Variants in RNF213 observed in about 807,000 individuals in gnomAD.
The protein encoded by RNF213 is E3 ubiquitin-protein ligase RNF213.
RNF213 carries 341 observed loss-of-function variants against 514.4 expected under a neutral mutation model. The observed-to-expected ratio is 0.66, with a 90% CI of 0.61 to 0.73. The LOEUF (loss-of-function observed/expected upper bound fraction) is 0.73. RNF213 is among the 30% of genes least tolerant of loss of function. RNF213 has a pLI of 0.00. For synonymous variants in RNF213, 2,655 were observed against 2,658.2 expected, an observed-to-expected ratio of 1.00 and a Z score of 0.04; for missense variants, 5,767 against 6,615.6, an observed-to-expected ratio of 0.87 and a Z score of 4.45.
At chr17:80,270,163 C>A (rs141936458) in intron 2 of RNF213, among the ~76,000 whole-genome samples, 1 of 152,342 alleles carries the variant, frequency 6.6e-6, no homozygotes, top group African/African-American at 2.4e-5. Context: ...GCATGCCTTG[C>A]TACTTTCATG....
At chr17:80,297,109 G>A in intron 10 of RNF213, among the ~76,000 whole-genome samples, 1 of 152,114 alleles carries the variant, frequency 6.6e-6, no homozygotes, top group East Asian at 1.9e-4. Context: ...TCTTTTGACT[G>A]TAGGAGATTC....
At chr17:80,310,692 A>G (rs1297620554) in intron 14 of RNF213, among the ~76,000 whole-genome samples, 15 of 152,068 alleles carry the variant, frequency 9.9e-5, no homozygotes, top group Non-Finnish European at 2.2e-4. Flanking sequence ...AGCTGGGATT[A>G]CAGGCATGTG....
In RNF213 at chr17:80,353,304, A is replaced by G; in HGVS notation, c.10424-208A>G. ...GCCAGCCATGGAAGTGAGCACCTAG[A>G]ACACGCCAGAGCCCAGGCTGGAAGG... On this transcript the variant is annotated intron_variant, in intron 33 of 67. Coordinates refer to ENST00000582970, the MANE Select transcript of RNF213 (RefSeq NM_001256071.3). This position sits in a 1 kb window ranked among gnomAD's most constrained non-coding sequence, Gnocchi z 5.0. The G allele has an allele frequency of 3.9e-6, 3 of 778,122 alleles. No individual in the cohort carries two copies. The South Asian group carries it at 4.9e-5, about 13-fold the overall frequency. 48.2% of individuals were successfully genotyped at this position (778,122 alleles called of 1,614,324 possible). A position where few individuals can be genotyped will look rare whatever the true frequency, so the allele number is the denominator to read the frequency against.
chr17:80,267,568 C>G (rs1254907569), intron 2 of RNF213, among the ~76,000 whole-genome samples: 2 of 152,208 alleles, frequency 1.3e-5, no homozygotes, highest in Non-Finnish European at 1.5e-5. Context: ...TCCCTTAAAC[C>G]ACAGCCGAAT....
rs760169991 is a variant in RNF213, at chr17:80,343,939, G to A, written c.6266G>A (p.Arg2089Gln). 3.1e-5 allele frequency: 50 copies of A among 1,614,008 alleles called. 1 individual carries two copies. The South Asian group carries it at 4.0e-4, about 13-fold the overall frequency. ...GATATAAATGGGAAAATGTGGCTTC[G>A]GAACCCCTGCCATTTGTATATCGTT... The part of the protein sequence containing the change: ...LMDINGKMWL[R>Q]NPCHLYIVEI... Residue 2089 changes from arginine to glutamine, a missense_variant, in exon 28 of 68, where the codon CGG becomes CAG. Physicochemically the swap from Arg to Gln is conservative, Grantham distance 43. Coordinates refer to ENST00000582970, the MANE Select transcript of RNF213 (RefSeq NM_001256071.3). The surrounding 1 kb of genome is among the most constrained non-coding windows in gnomAD (Gnocchi z 4.3).
At chr17:80,362,943 A>T (rs2079109446) in intron 39 of RNF213, among the ~76,000 whole-genome samples, 159 bp from the exon 40 acceptor site, 1 of 152,212 alleles carries the variant, frequency 6.6e-6, no homozygotes, top group African/African-American at 2.4e-5. Context: ...GTGGGAGGAG[A>T]GGCAGATAGA....
intron 14 of RNF213, 103 bp from the exon 15 acceptor site, chr17:80,312,909 A>G: frequency 7.4e-7 from 1 of 1,348,274 alleles, no homozygotes; most frequent in South Asian, 1.2e-5. Context: ...CCACTCCTTG[A>G]GCAGCCTGTG....
Position 80,377,912 on chromosome 17 carries a change from A to C in RNF213, c.13545+116A>C. On this transcript the variant is annotated intron_variant, in intron 54 of 67. Coordinates refer to ENST00000582970, the MANE Select transcript of RNF213 (RefSeq NM_001256071.3). The surrounding 1 kb of genome is among the most constrained non-coding windows in gnomAD (Gnocchi z 4.1). The stretch of plus-strand genomic sequence containing the variant: ...CGGCCTTCCAGGAGAGCACAGGCTC[A>C]CCGAGGACTGCCCAGGGTGCTCTGA... 8.4e-7 allele frequency: 1 copy of C among 1,192,520 alleles called. No homozygotes were observed. Among genetic ancestry groups the C allele is most frequent in the Non-Finnish European group, 1.3e-6 (1 of 797,892 alleles). The allele number at this position is 1,192,520 out of a possible 1,614,324, so 73.9% of individuals were successfully genotyped here. A position where few individuals can be genotyped will look rare whatever the true frequency, so the allele number is the denominator to read the frequency against.
Position 80,349,803 on chromosome 17 carries a change from G to A in RNF213, c.9985G>A (p.Asp3329Asn), listed in dbSNP as rs774585544. 49 of 1,614,016 alleles carry A rather than the reference G, an allele frequency of 3.0e-5. No individual in the cohort carries two copies. Among genetic ancestry groups the A allele is most frequent in the Non-Finnish European group, 3.9e-5 (46 of 1,180,018 alleles). The change falls in exon 30 of 68, where the codon GAC becomes AAC. Residue 3329 changes from aspartate to asparagine, a missense_variant. Asp to Asn is a conservative substitution (Grantham distance 23). Coordinates refer to ENST00000582970, the MANE Select transcript of RNF213 (RefSeq NM_001256071.3). ...TTTCTCCAGGCTGCTAACAAGTCAC[G>A]ACTGTGAAATTTTAGAATCAGAGGT... ...TTFSRLLTSH[D>N]CEILESEVTG...
intron 57 of RNF213, 192 bp downstream of exon 57, chr17:80,381,919 G>A (rs2080023483): frequency 1.6e-6 from 1 of 634,208 alleles, no homozygotes; most frequent in East Asian, 2.9e-5. Flanking sequence ...GAAAAAGGAA[G>A]CACTCTGCTT....
At chr17:80,379,572 A>C in intron 54 of RNF213, 48 bp from the exon 55 acceptor site, 1 of 1,538,494 alleles carries the variant, frequency 6.5e-7, no homozygotes, top group Non-Finnish European at 9.0e-7. Context: ...TTTGTGCATA[A>C]AATGGTACTG....
At chr17:80,364,587 G>T in intron 42 of RNF213, 34 bp downstream of exon 42, 2 of 1,613,854 alleles carry the variant, frequency 1.2e-6, no homozygotes, top group Non-Finnish European at 1.7e-6. Flanking sequence ...CACATGCACG[G>T]ATCCACCCTT....
intron 14 of RNF213, among the ~76,000 whole-genome samples, chr17:80,309,995 C>G (rs967156707): frequency 6.6e-6 from 1 of 152,036 alleles, no homozygotes; most frequent in Non-Finnish European, 1.5e-5. Flanking sequence ...ACCTCATGAT[C>G]CGCCTGCCTT....
chr17:80,347,149 C>G lies in RNF213; in HGVS notation c.8814C>G (p.Ala2938=). The G allele has an allele frequency of 1.2e-6, 2 of 1,614,048 alleles. No homozygotes were observed. Among genetic ancestry groups the G allele is most frequent in the Non-Finnish European group, 1.7e-6 (2 of 1,180,018 alleles). Residue 2938 remains alanine (A), a synonymous_variant, in exon 29 of 68, where the codon GCC becomes GCG. Coordinates refer to ENST00000582970, the MANE Select transcript of RNF213 (RefSeq NM_001256071.3). This position sits in a 1 kb window ranked among gnomAD's most constrained non-coding sequence, Gnocchi z 7.2. ...VQGYFASFAK[A]YETVCKRQDK... Reference sequence around the variant, plus strand: ...GGTACTTTGCGTCCTTTGCCAAAGCCTACGAAACGGTGTGTAAGCGCCAGG... The same window carrying G: ...GGTACTTTGCGTCCTTTGCCAAAGCGTACGAAACGGTGTGTAAGCGCCAGG...
At chr17:80,290,425 GTGTGCGC>G (rs1190532701) in intron 6 of RNF213, 138 bp from the exon 7 acceptor site, 7 of 861,290 alleles carry the variant, frequency 8.1e-6, no homozygotes, top group African/African-American at 7.5e-5. Context: ...GTGTGTGCGA[GTGTGCGC>G]GTGTGTGCAT....
Position 80,386,910 on chromosome 17 carries a change from A to T in RNF213, c.14922+19A>T. Reference sequence around the variant, plus strand: ...CCTCAAGGTAGGGCTGACTCCTGCCACTGCTGCTCATTTGGTGTGTCTGTT... The same window carrying T: ...CCTCAAGGTAGGGCTGACTCCTGCCTCTGCTGCTCATTTGGTGTGTCTGTT... On this transcript the variant is annotated intron_variant, in intron 63 of 67. Coordinates refer to ENST00000582970, the MANE Select transcript of RNF213 (RefSeq NM_001256071.3). The T allele has an allele frequency of 6.3e-7, 1 of 1,599,680 alleles. No homozygotes were observed. The highest frequency in any genetic ancestry group is 1.1e-5 in the South Asian group (1 of 89,550).
At chr17:80,364,577 C>G in intron 42 of RNF213, 24 bp downstream of exon 42, 1 of 1,614,052 alleles carries the variant, frequency 6.2e-7, no homozygotes, top group South Asian at 1.1e-5. Flanking sequence ...CTGGCCTCAG[C>G]ACATGCACGG....
chr17:80,380,737 C>T (rs1295173390), intron 55 of RNF213, 94 bp from the exon 56 acceptor site: 5 of 1,424,728 alleles, frequency 3.5e-6, no homozygotes, highest in African/African-American at 2.8e-5. Context: ...TAACTCTCTT[C>T]TCAGCCGTAA....
At chr17:80,282,340 C>T (rs2044331564) in intron 3 of RNF213, among the ~76,000 whole-genome samples, 1 of 152,176 alleles carries the variant, frequency 6.6e-6, no homozygotes, top group South Asian at 2.1e-4. Flanking sequence ...GAATCTGTGG[C>T]TGCAGAGGGC....
Sources: allele counts gnomAD v4.1 joint callset (sites outside exome capture counted in the v4.1 genomes callset), GRCh38; gene constraint gnomAD v4.1.1; non-coding constraint Gnocchi (gnomAD v3.1); transcripts MANE v1.5; gene names NCBI Gene and HGNC (gene_info 2026-07-23, HGNC 2026-07-21).